Variants in CLYBL observed in about 807,000 individuals in gnomAD.
The protein encoded by CLYBL is citramalyl-CoA lyase, mitochondrial.
Under a neutral mutation model 38.9 loss-of-function variants are expected in CLYBL, and 31 were observed. The ratio of observed to expected loss-of-function variants is 0.80; its 90% CI spans 0.60 to 1.08. CLYBL has a LOEUF of 1.08. Among genes scored for constraint, CLYBL ranks in the 50% least tolerant of loss-of-function variants. The probability of loss-of-function intolerance (pLI) is 0.00; values close to 1 mark genes in which losing one functional copy is unlikely to be tolerated. For synonymous variants in CLYBL, 171 were observed against 158.6 expected, an observed-to-expected ratio of 1.08 and a Z score of -0.59; for missense variants, 434 against 411.6, an observed-to-expected ratio of 1.05 and a Z score of -0.47.
chr13:99,785,006 C>T (rs1242960862), intron 2 of CLYBL, among the ~76,000 whole-genome samples: 1 of 151,564 alleles, frequency 6.6e-6, no homozygotes, highest in African/African-American at 2.4e-5. Context: ...ATTCTCCTGT[C>T]CTCAGCCTCC....
chr13:99,729,454 A>G (rs1271374529), intron 1 of CLYBL, among the ~76,000 whole-genome samples: 3 of 152,154 alleles, frequency 2.0e-5, no homozygotes, highest in African/African-American at 4.8e-5. Flanking sequence ...TCTCTGAGGC[A>G]TGGTTTCATC....
At chr13:99,820,096 G>A (rs2050558240) in intron 2 of CLYBL, among the ~76,000 whole-genome samples, 1 of 152,182 alleles carries the variant, frequency 6.6e-6, no homozygotes. Flanking sequence ...CTCTCCATCT[G>A]TTGTCCCATC....
At chr13:99,838,919 G>A (rs1019841422) in intron 2 of CLYBL, among the ~76,000 whole-genome samples, 7 of 152,218 alleles carry the variant, frequency 4.6e-5, no homozygotes, top group African/African-American at 1.2e-4. Flanking sequence ...GATTACAGGC[G>A]TGAACCACGG....
At chr13:99,735,127 G>T (rs1027300057) in intron 1 of CLYBL, among the ~76,000 whole-genome samples, 2 of 152,148 alleles carry the variant, frequency 1.3e-5, no homozygotes, top group South Asian at 4.1e-4. Context: ...GGGAAAAAAA[G>T]ATATTCTCAC....
chr13:99,773,478 A>G (rs2049443965), intron 2 of CLYBL, among the ~76,000 whole-genome samples: 1 of 152,134 alleles, frequency 6.6e-6, no homozygotes, highest in Admixed American at 6.5e-5. Context: ...ATTCTCAAGG[A>G]GCACGACCCT....
chr13:99,880,948 A>G (rs1387808144), intron 7 of CLYBL, among the ~76,000 whole-genome samples: 5 of 152,094 alleles, frequency 3.3e-5, no homozygotes, highest in Non-Finnish European at 5.9e-5. Context: ...ACGACCCCCA[A>G]ACTCAGCACC....
At chr13:99,622,118 G>C (rs949173134) in intron 1 of CLYBL, among the ~76,000 whole-genome samples, 1 of 152,136 alleles carries the variant, frequency 6.6e-6, no homozygotes, top group Admixed American at 6.5e-5. Flanking sequence ...GCCATCTCTC[G>C]GGTTCTGTTG....
chr13:99,613,946 A>G (rs1392849354), intron 1 of CLYBL, among the ~76,000 whole-genome samples: 4 of 152,216 alleles, frequency 2.6e-5, no homozygotes, highest in Non-Finnish European at 4.4e-5. Flanking sequence ...CAGAGGGCCC[A>G]ATCCTCTCAG....
At chr13:99,613,598 G>A (rs1479080367) in intron 1 of CLYBL, among the ~76,000 whole-genome samples, 2 of 152,172 alleles carry the variant, frequency 1.3e-5, no homozygotes, top group East Asian at 3.8e-4. Flanking sequence ...AGAGGTGGGA[G>A]AAGAGGGAGC....
At chr13:99,767,050 G>GAA (rs2049283257) in intron 1 of CLYBL, among the ~76,000 whole-genome samples, 1 of 152,200 alleles carries the variant, frequency 6.6e-6, no homozygotes, top group East Asian at 1.9e-4. Flanking sequence ...GGCAGAGCAG[G>GAA]CCTCCTGCCA....
At chr13:99,742,704 CTG>C in intron 1 of CLYBL, among the ~76,000 whole-genome samples, 1 of 152,300 alleles carries the variant, frequency 6.6e-6, no homozygotes, top group South Asian at 2.1e-4. Flanking sequence ...TAAATGTACT[CTG>C]TATTTTCTTA....
chr13:99,858,793 A>T (rs1255657100), intron 2 of CLYBL, 68 bp from the exon 3 acceptor site: 3 of 1,105,512 alleles, frequency 2.7e-6, no homozygotes, highest in Non-Finnish European at 3.9e-6. Context: ...TAACAGTTTC[A>T]TCAACCATTT....
intron 1 of CLYBL, among the ~76,000 whole-genome samples, chr13:99,692,566 A>C (rs1033039664): frequency 6.6e-5 from 10 of 152,184 alleles, no homozygotes; most frequent in Non-Finnish European, 1.5e-4. Flanking sequence ...TGCTGGGATT[A>C]CAGGTGTGAG....
intron 2 of CLYBL, among the ~76,000 whole-genome samples, chr13:99,787,303 G>A (rs2049817294): frequency 6.6e-6 from 1 of 152,086 alleles, no homozygotes; most frequent in Non-Finnish European, 1.5e-5. Flanking sequence ...TATCGCCTAG[G>A]TTTTCTTCTA....
rs180726692 is a variant in CLYBL at position 99,722,407 on chromosome 13, C to T, written c.63-50417C>T. 1.1e-4 allele frequency among the ~76,000 whole-genome samples: 17 copies of T among 149,668 alleles called. No homozygotes were observed. The East Asian group carries it at 1.7e-3, about 15-fold the overall frequency. ...TTCCTCTTTCTATCAAGCTGAGCTA[C>T]GCATGAAACCTTTTTTTTTTTTAAG... On this transcript the variant is annotated intron_variant, in intron 1 of 8. Coordinates refer to ENST00000339105, the MANE Select transcript of CLYBL (RefSeq NM_206808.5).
chr13:99,768,192 CTTTTT>C (rs58499426), intron 1 of CLYBL, among the ~76,000 whole-genome samples: 123 of 102,706 alleles, frequency 1.2e-3, no homozygotes, highest in African/African-American at 4.4e-3. Context: ...TTTTCTTTTT[CTTTTT>C]TTTTTTTTTT....
At chr13:99,656,844 A>G (rs2047337722) in intron 1 of CLYBL, among the ~76,000 whole-genome samples, 1 of 152,192 alleles carries the variant, frequency 6.6e-6, no homozygotes, top group African/African-American at 2.4e-5. Flanking sequence ...TCAAATGCAA[A>G]ATGTCTTATT....
intron 9 of CLYBL, among the ~76,000 whole-genome samples, chr13:99,905,724 T>TTC (rs2052690412): frequency 9.4e-6 from 1 of 106,724 alleles, no homozygotes; most frequent in Non-Finnish European, 2.0e-5. Flanking sequence ...TGTTTTTGCT[T>TTC]TTTTTTTTTT....
chr13:99,665,874 C>T (rs970350755), intron 1 of CLYBL, among the ~76,000 whole-genome samples: 5 of 152,210 alleles, frequency 3.3e-5, no homozygotes, highest in African/African-American at 9.6e-5. Context: ...TGATGGAATT[C>T]GCGCCACCCT....
Sources: allele counts gnomAD v4.1 joint callset (sites outside exome capture counted in the v4.1 genomes callset), GRCh38; gene constraint gnomAD v4.1.1; transcripts MANE v1.5; gene names NCBI Gene and HGNC (gene_info 2026-07-23, HGNC 2026-07-21).